The following SCNN1G variants were observed in gnomAD, a reference collection of about 807,000 sequenced individuals.
SCNN1G encodes the protein epithelial sodium channel subunit gamma.
Under a neutral mutation model 64.6 loss-of-function variants are expected in SCNN1G, and 27 were observed. The ratio of observed to expected loss-of-function variants is 0.42; its 90% confidence interval spans 0.31 to 0.58. SCNN1G has a LOEUF of 0.58. Ranked by LOEUF, SCNN1G falls within the 20% of genes least tolerant of loss-of-function variation. The pLI, the probability that SCNN1G is intolerant of heterozygous loss-of-function variation, is 0.18. For missense variants in SCNN1G, 743 were observed against 823.4 expected, an observed-to-expected ratio of 0.90 and a Z score of 1.19; for synonymous variants, 330 against 314.2, an observed-to-expected ratio of 1.05 and a Z score of -0.53.
At position 23,194,194 on chromosome 16, in the gene SCNN1G, C is replaced by T. The variant is rs774174564; in HGVS notation, c.833C>T (p.Pro278Leu). Residue 278 changes from proline (P) to leucine (L), a missense_variant, in exon 5 of 13, where the codon CCG (proline) becomes CTG (leucine). Transcript: ENST00000300061. ...DARNFTLFHHPMHGNCYTFNN... is the reference protein window; with the variant it reads ...DARNFTLFHHLMHGNCYTFNN... ...AGGAATTTCACGCTTTTCCACCACCCGATGCATGGGAATTGCTATACTTTC... is the reference window on the plus strand; with the variant it reads ...AGGAATTTCACGCTTTTCCACCACCTGATGCATGGGAATTGCTATACTTTC... 7.4e-6 allele frequency: 12 copies of T among 1,613,650 alleles called. No homozygotes were observed. Among genetic ancestry groups the T allele is most frequent in the Non-Finnish European group, 9.3e-6 (11 of 1,179,688 alleles).
At chr16:23,209,957 C>T (rs990672781) in intron 7 of SCNN1G, 109 bp downstream of exon 7, 1 of 783,848 alleles carries the variant, frequency 1.3e-6, no homozygotes, top group Non-Finnish European at 2.2e-6. Context: ...GGTGAGGATC[C>T]CTGGGGTTCA....
intron 5 of SCNN1G, 102 bp downstream of exon 5, chr16:23,194,376 C>T (rs1275305875): frequency 6.0e-6 from 5 of 836,262 alleles, no homozygotes; most frequent in Non-Finnish European, 1.0e-5. Flanking sequence ...AGCGGGATCT[C>T]TCCCACTTGG....
At chr16:23,202,351 G>A (rs890784119) in intron 6 of SCNN1G, among the ~76,000 whole-genome samples, 2 of 152,008 alleles carry the variant, frequency 1.3e-5, no homozygotes, top group Admixed American at 6.6e-5. Context: ...TGGATGGCTG[G>A]CTGGCTGAAT....
chr16:23,213,326 C>T (rs974713977), intron 11 of SCNN1G, among the ~76,000 whole-genome samples, 163 bp downstream of exon 11: 5 of 149,748 alleles, frequency 3.3e-5, no homozygotes, highest in Non-Finnish European at 7.4e-5. Context: ...GATCTCAGCT[C>T]ACTGTAACTT....
In SCNN1G at chr16:23,191,148, G is replaced by A. The variant is rs932893739; in HGVS notation, c.619-1204G>A. ...GCGTGAGCCACCGCACCTGGCCTGAGGGGCTCTTGAGAAATGCCATTCACT... is the reference window on the plus strand; with the variant it reads ...GCGTGAGCCACCGCACCTGGCCTGAAGGGCTCTTGAGAAATGCCATTCACT... On this transcript the variant is annotated intron_variant, in intron 3 of 12. Transcript: ENST00000300061. Among the ~76,000 whole-genome samples, 21 of 152,072 alleles carry A rather than the reference G, an allele frequency of 1.4e-4. No individual in the cohort carries two copies. The Middle Eastern group carries it at 0.01, about 74-fold the overall frequency.
At chr16:23,209,126 C>A (rs1457205204) in intron 6 of SCNN1G, among the ~76,000 whole-genome samples, 3 of 152,116 alleles carry the variant, frequency 2.0e-5, no homozygotes, top group African/African-American at 7.2e-5. Flanking sequence ...CGTACTCTGT[C>A]CACTTCATCC....
At chr16:23,204,964 C>A (rs1315373356) in intron 6 of SCNN1G, among the ~76,000 whole-genome samples, 1 of 152,072 alleles carries the variant, frequency 6.6e-6, no homozygotes, top group Non-Finnish European at 1.5e-5. Context: ...AGGCGTGCAC[C>A]ACCACACCTA....
rs1260351325 is a variant in SCNN1G at position 23,209,832 on chromosome 16, C to G, written c.1160C>G (p.Ala387Gly). Residue 387 changes from alanine to glycine, a missense_variant, in exon 7 of 13, where the codon GCT becomes GGT. By Grantham distance (60) the Ala-to-Gly change is moderately conservative. Transcript: ENST00000300061. ...SDVPIRNIYNAAYSLQICLHS... is the reference protein window; with the variant it reads ...SDVPIRNIYNGAYSLQICLHS... ...GTGCCAATCAGGAACATCTACAACGCTGCCTACTCGCTCCAGGTAACAGAT... is the reference window on the plus strand; with the variant it reads ...GTGCCAATCAGGAACATCTACAACGGTGCCTACTCGCTCCAGGTAACAGAT... The G allele has an allele frequency of 6.2e-7, 1 of 1,613,354 alleles. No homozygotes were observed. The highest frequency in any genetic ancestry group is 2.2e-5 in the East Asian group (1 of 44,880).
Position 23,215,191 on chromosome 16 carries a change from T to A in SCNN1G, c.1672T>A (p.Phe558Ile), listed in dbSNP as rs1333979292. 51 of 1,614,178 alleles carry A rather than the reference T, an allele frequency of 3.2e-5. No homozygotes were observed. The highest frequency in any genetic ancestry group is 4.2e-5 in the Non-Finnish European group (50 of 1,180,028). ...CATCGAGGTCTTCTTCATTGACTTC[T>A]TCTCTATCATTGCCCGCCGCCAGTG... ...EIIEVFFIDF[F>I]SIIARRQWQK... The change falls in exon 13 of 13, where the codon TTC becomes ATC. Residue 558 changes from phenylalanine (F) to isoleucine (I), a missense_variant. Transcript: ENST00000300061.
rs1219903858 is a variant in SCNN1G at position 23,192,511 on chromosome 16, T to G, written c.778T>G (p.Cys260Gly). 9 of 1,612,580 alleles carry G rather than the reference T, an allele frequency of 5.6e-6. No individual in the cohort carries two copies. Among genetic ancestry groups the G allele is most frequent in the Admixed American group, 1.7e-5 (1 of 60,016 alleles). The change falls in exon 4 of 13, where the codon TGC becomes GGC. Residue 260 changes from cysteine to glycine, a missense_variant. By Grantham distance (159) the Cys-to-Gly change is radical. Coordinates refer to ENST00000300061, the MANE Select transcript of SCNN1G (RefSeq NM_001039.4). ...SYSAEELLVT[C>G]FFDGVSCDAR... is the part of the protein sequence containing the mutation. ...TTCTGCTGAGGAGCTGCTGGTGACC[T>G]GCTTCTTTGATGGAGTGTCCTGTGA... is the stretch of plus-strand genomic sequence containing the variant.
At position 23,214,728 on chromosome 16, in the gene SCNN1G, C is replaced by T; in HGVS notation, c.1510C>T (p.Leu504Phe). ...ATTTTGCAGGACAGACTTGGCCAAA[C>T]TCTTGATATTCTACAAAGACCTGAA... ...KKLNKTDLAKLLIFYKDLNQR... is the reference protein window; with the variant it reads ...KKLNKTDLAKFLIFYKDLNQR... The change falls in exon 12 of 13, where the codon CTC (leucine) becomes TTC (phenylalanine). Residue 504 changes from leucine (L) to phenylalanine (F), a missense_variant. Transcript: ENST00000300061. The T allele has an allele frequency of 2.5e-6, 4 of 1,614,002 alleles. No individual in the cohort carries two copies. The highest frequency in any genetic ancestry group is 3.4e-6 in the Non-Finnish European group (4 of 1,179,880).
rs1959673798 is a variant in SCNN1G at position 23,189,650 on chromosome 16, G to A, written c.597G>A (p.Lys199=). 1.2e-6 allele frequency: 2 copies of A among 1,614,220 alleles called. No individual in the cohort carries two copies. Among genetic ancestry groups the A allele is most frequent in the Non-Finnish European group, 1.7e-6 (2 of 1,180,036 alleles). ...CAAATGTCATGCACATCGAGTCCAAGCAAGTGGTGGGATTCCAACTGGTAA... is the reference window on the plus strand; with the variant it reads ...CAAATGTCATGCACATCGAGTCCAAACAAGTGGTGGGATTCCAACTGGTAA... ...KASNVMHIES[K]QVVGFQLCSN... Residue 199 remains lysine, a synonymous_variant, in exon 3 of 13, where the codon AAG becomes AAA. Transcript: ENST00000300061.
Position 23,215,199 on chromosome 16 carries a change from C to A in SCNN1G, c.1680C>A (p.Ile560=). 1 of 1,614,196 alleles carries A rather than the reference C, an allele frequency of 6.2e-7. No individual in the cohort carries two copies. Among genetic ancestry groups the A allele is most frequent in the Non-Finnish European group, 8.5e-7 (1 of 1,180,038 alleles). Reference sequence around the variant, plus strand: ...TCTTCTTCATTGACTTCTTCTCTATCATTGCCCGCCGCCAGTGGCAGAAAG... The same window carrying A: ...TCTTCTTCATTGACTTCTTCTCTATAATTGCCCGCCGCCAGTGGCAGAAAG... ...IEVFFIDFFS[I]IARRQWQKAK... Residue 560 remains isoleucine (I), a synonymous_variant, in exon 13 of 13, where the codon ATC becomes ATA. Transcript: ENST00000300061.
In SCNN1G at chr16:23,216,665, C is replaced by T. The variant is rs1960163078; in HGVS notation, c.*1196C>T. On this transcript the variant is annotated 3_prime_UTR_variant, in exon 13 of 13. Transcript: ENST00000300061. ...TATTTTTTGTAGAAATAGGATCTCACTATGTTGCCCAGGCTGTTCTTGAAC... is the reference window on the plus strand; with the variant it reads ...TATTTTTTGTAGAAATAGGATCTCATTATGTTGCCCAGGCTGTTCTTGAAC... 1.3e-5 allele frequency: 2 copies of T among 152,164 alleles called. No homozygotes were observed. The highest frequency in any genetic ancestry group is 4.1e-4 in the South Asian group (2 of 4,830). 9.4% of individuals were successfully genotyped at this position (152,164 alleles called of 1,614,324 possible).
chr16:23,199,251 CACTT>C (rs1959846318), intron 6 of SCNN1G, among the ~76,000 whole-genome samples: 2 of 152,190 alleles, frequency 1.3e-5, no homozygotes, highest in Admixed American at 6.5e-5. Flanking sequence ...AAATATTTCT[CACTT>C]AATGCTATAG....
intron 1 of SCNN1G, among the ~76,000 whole-genome samples, chr16:23,185,140 C>T (rs1959585839): frequency 6.6e-6 from 1 of 152,222 alleles, no homozygotes; most frequent in Admixed American, 6.5e-5. Context: ...CCTCCACTAA[C>T]CAGCTGCATC....
At chr16:23,183,362 G>A (rs1365286656) in intron 1 of SCNN1G, among the ~76,000 whole-genome samples, 1 of 152,210 alleles carries the variant, frequency 6.6e-6, no homozygotes, top group Non-Finnish European at 1.5e-5. Context: ...TCGGGTCAGG[G>A]CCCTGAGGTT....
At chr16:23,198,328 G>A (rs2141935360) in intron 6 of SCNN1G, among the ~76,000 whole-genome samples, 1 of 152,288 alleles carries the variant, frequency 6.6e-6, no homozygotes, top group South Asian at 2.1e-4. Flanking sequence ...GACTCTGATG[G>A]CCTTGGTCAC....
chr16:23,189,380 C>T lies in SCNN1G; in HGVS notation c.327C>T (p.Thr109=), dbSNP rs760847890. ...ICNINPYKYS[T]VRHLLADLEQ... is the part of the protein sequence containing the mutation. ...CTCCCCACCTTGGCAGGTACAGCAC[C>T]GTTCGCCACCTTCTAGCTGACTTGG... The change falls in exon 3 of 13, where the codon ACC becomes ACT. Residue 109 remains threonine, a synonymous_variant. Transcript: ENST00000300061. The T allele has an allele frequency of 3.0e-5, 49 of 1,613,450 alleles. No homozygotes were observed. The Middle Eastern group carries it at 8.7e-4, about 29-fold the overall frequency.
Sources: allele counts gnomAD v4.1 joint callset (sites outside exome capture counted in the v4.1 genomes callset), GRCh38; gene constraint gnomAD v4.1.1; transcripts MANE v1.5; gene names NCBI Gene and HGNC (gene_info 2026-07-23, HGNC 2026-07-21).